The following CD8B variants were observed in gnomAD, a reference collection of about 807,000 sequenced individuals.
CD8B encodes the protein CD8 subunit beta.
CD8B carries 6 observed loss-of-function variants against 24.2 expected under a neutral mutation model. That is an observed-to-expected ratio of 0.25 (90% CI 0.14 to 0.49). The LOEUF is 0.49. Ranked by LOEUF, CD8B falls within the 20% of genes least tolerant of loss-of-function variation. The pLI is 0.98. For missense variants in CD8B, 196 were observed against 271.3 expected, an observed-to-expected ratio of 0.72 and a Z score of 1.95; for synonymous variants, 84 against 108.3, an observed-to-expected ratio of 0.78 and a Z score of 1.39.
intron 5 of CD8B, chr2:86,815,825 G>C (rs1456344410): frequency 4.2e-6 from 3 of 721,282 alleles, no homozygotes; most frequent in Non-Finnish European, 7.5e-6. Context: ...CGAGTCAGAT[G>C]TTGTGTCAAA....
intron 5 of CD8B, among the ~76,000 whole-genome samples, chr2:86,825,594 A>G (rs1341197712): frequency 2.0e-5 from 3 of 152,176 alleles, no homozygotes; most frequent in Non-Finnish European, 1.5e-5. Context: ...CAGGTGGGAA[A>G]AGACTGAGCC....
chr2:86,845,393 C>T (rs1444124446), intron 4 of CD8B, among the ~76,000 whole-genome samples: 4 of 152,204 alleles, frequency 2.6e-5, no homozygotes, highest in Non-Finnish European at 1.5e-5. Flanking sequence ...CGAGATTTCC[C>T]ACTGGGAGTT....
At chr2:86,816,998 G>A (rs1158845135) in intron 5 of CD8B, among the ~76,000 whole-genome samples, 94 of 152,266 alleles carry the variant, frequency 6.2e-4, no homozygotes, top group African/African-American at 2.2e-3. Flanking sequence ...AAAGTAATAA[G>A]TTAAAGACAG....
chr2:86,836,594 T>A (rs1171878789), downstream of CD8B, among the ~76,000 whole-genome samples: 3 of 152,248 alleles, frequency 2.0e-5, no homozygotes, highest in East Asian at 3.9e-4. Context: ...GAGACCAGCC[T>A]GGGCAACATA....
intron 5 of CD8B, among the ~76,000 whole-genome samples, chr2:86,825,460 A>G (rs554591494): frequency 6.6e-6 from 1 of 152,288 alleles, no homozygotes; most frequent in South Asian, 2.1e-4. Flanking sequence ...CCCCATTTGA[A>G]TCCCCAAGGG....
At position 86,840,410 on chromosome 2, in the gene CD8B, C is replaced by G. The variant is rs1275443629; in HGVS notation, c.*1897G>C. On this transcript the variant is annotated 3_prime_UTR_variant, in exon 6 of 6. Coordinates refer to ENST00000390655, the MANE Select transcript of CD8B (RefSeq NM_004931.5). ...AAAGGCTACTCTCCCTACAACCCTC[C>G]CCCTTCCACTGCATCTCAGATGGAA... is the stretch of plus-strand genomic sequence containing the variant. 5.9e-5 allele frequency among the ~76,000 whole-genome samples: 9 copies of G among 152,214 alleles called. No individual in the cohort carries two copies. Among genetic ancestry groups the G allele is most frequent in the Non-Finnish European group, 1.3e-4 (9 of 68,028 alleles).
At chr2:86,851,856 A>G (rs1294045901) in intron 3 of CD8B, among the ~76,000 whole-genome samples, 1 of 152,112 alleles carries the variant, frequency 6.6e-6, no homozygotes, top group Non-Finnish European at 1.5e-5. Flanking sequence ...TGTGGCATAC[A>G]CTCCAGCTGA....
downstream of CD8B, among the ~76,000 whole-genome samples, chr2:86,834,919 G>T (rs1394078296): frequency 1.5e-5 from 2 of 131,712 alleles, no homozygotes; most frequent in Non-Finnish European, 3.1e-5. Context: ...CTGGGCAACA[G>T]AGCAAAACTC....
Position 86,852,479 on chromosome 2 carries a change from C to A in CD8B, c.493+518G>T, listed in dbSNP as rs578147938. On this transcript the variant is annotated intron_variant, in intron 3 of 5. Coordinates refer to ENST00000390655, the MANE Select transcript of CD8B (RefSeq NM_004931.5). ...AAGAAACCTTATACCCATTAGGAATCACTCCCCATTTCTTTCCCAAGCCCC... is the reference window on the plus strand; with the variant it reads ...AAGAAACCTTATACCCATTAGGAATAACTCCCCATTTCTTTCCCAAGCCCC... 1.4e-3 allele frequency among the ~76,000 whole-genome samples: 216 copies of A among 151,878 alleles called. 2 individuals carry two copies. Among genetic ancestry groups the A allele is most frequent in the African/African-American group, 5.0e-3 (207 of 41,396 alleles).
At chr2:86,855,367 A>G (rs894888424) in intron 2 of CD8B, among the ~76,000 whole-genome samples, 50 of 152,236 alleles carry the variant, frequency 3.3e-4, no homozygotes, top group Admixed American at 7.2e-4. Context: ...GCCTTTCAGC[A>G]TAAGTTTACT....
rs1226964650 is a variant in CD8B at position 86,816,031 on chromosome 2, C to T, written c.621-313G>A. 2.0e-5 allele frequency among the ~76,000 whole-genome samples: 3 copies of T among 152,244 alleles called. No homozygotes were observed. In the South Asian group the frequency reaches 6.2e-4, roughly 32 times the overall value. ...CCAAAGTTAATATCATTTGGGAAAGCGGGTGAGGGTTTTATCCTTCCCTCT... is the reference window on the plus strand; with the variant it reads ...CCAAAGTTAATATCATTTGGGAAAGTGGGTGAGGGTTTTATCCTTCCCTCT... On this transcript the variant is annotated intron_variant, in intron 5 of 5. Coordinates refer to the CD8B transcript ENST00000331469.
At chr2:86,828,427 T>C (rs1159512508) in intron 5 of CD8B, among the ~76,000 whole-genome samples, 2 of 152,124 alleles carry the variant, frequency 1.3e-5, no homozygotes, top group Non-Finnish European at 2.9e-5. Flanking sequence ...TTTTTAAAAA[T>C]TTTTGTTATT....
intron 1 of CD8B, among the ~76,000 whole-genome samples, chr2:86,859,798 G>A (rs986985607): frequency 2.1e-4 from 32 of 151,952 alleles, no homozygotes; most frequent in African/African-American, 7.0e-4. Context: ...GGGGGCCAGA[G>A]GGCATGTGTG....
intron 1 of CD8B, among the ~76,000 whole-genome samples, chr2:86,860,160 C>G (rs1300864240): frequency 6.6e-6 from 1 of 152,270 alleles, no homozygotes; most frequent in African/African-American, 2.4e-5. Flanking sequence ...ATCCCAGCTA[C>G]TAGGGAGGCT....
At position 86,858,147 on chromosome 2, in the gene CD8B, T is replaced by C; in HGVS notation, c.313A>G (p.Ser105Gly). 1 of 1,613,988 alleles carries C rather than the reference T, an allele frequency of 6.2e-7. No homozygotes were observed. The highest frequency in any genetic ancestry group is 8.5e-7 in the Non-Finnish European group (1 of 1,179,872). Residue 105 changes from serine to glycine, a missense_variant, in exon 2 of 6, where the codon AGC becomes GGC. Coordinates refer to ENST00000390655, the MANE Select transcript of CD8B (RefSeq NM_004931.5). ...DASRFILNLT[S>G]VKPEDSGIYF... ...ATGCCACTGTCTTCCGGCTTCACGC[T>C]TGTGAGATTGAGAATGAACCGGCTT...
At chr2:86,823,441 G>A (rs750016084) in intron 5 of CD8B, among the ~76,000 whole-genome samples, 5 of 151,804 alleles carry the variant, frequency 3.3e-5, no homozygotes, top group African/African-American at 1.2e-4. Flanking sequence ...CACGGTGCCC[G>A]GCTAATTTTT....
At chr2:86,822,919 T>C (rs1674534846) in intron 5 of CD8B, among the ~76,000 whole-genome samples, 1 of 152,224 alleles carries the variant, frequency 6.6e-6, no homozygotes, top group Non-Finnish European at 1.5e-5. Context: ...TGTGTTTATA[T>C]CTTTCTCTAC....
rs1001901309 is a variant in CD8B, at chr2:86,840,496, G to A, written c.*1811C>T. Among the ~76,000 whole-genome samples the A allele has an allele frequency of 7.2e-5, 11 of 152,152 alleles. No homozygotes were observed. Among genetic ancestry groups the A allele is most frequent in the Non-Finnish European group, 1.3e-4 (9 of 68,028 alleles). On this transcript the variant is annotated 3_prime_UTR_variant, in exon 6 of 6. Transcript: ENST00000390655. ...CGGGCCATCCCTTCATCCGCATAGG[G>A]CGTCAATTCACCTCAGCCTTTCATT...
chr2:86,830,857 A>C (rs1674881089), intron 5 of CD8B, among the ~76,000 whole-genome samples: 1 of 152,144 alleles, frequency 6.6e-6, no homozygotes, highest in Admixed American at 6.5e-5. Flanking sequence ...TTATTTTAAT[A>C]ATTCCAATTT....
Sources: allele counts gnomAD v4.1 joint callset (sites outside exome capture counted in the v4.1 genomes callset), GRCh38; gene constraint gnomAD v4.1.1; transcripts MANE v1.5; gene names NCBI Gene and HGNC (gene_info 2026-07-23, HGNC 2026-07-21).